Variants in CAMK2D observed in about 807,000 individuals in gnomAD.
CAMK2D encodes the protein calcium/calmodulin-dependent protein kinase type II subunit delta.
Under a neutral mutation model 84.0 loss-of-function variants are expected in CAMK2D, and 37 were observed. The ratio of observed to expected loss-of-function variants is 0.44; its 90% confidence interval spans 0.34 to 0.58. The LOEUF is 0.58. Among genes scored for constraint, CAMK2D ranks in the 20% least tolerant of loss-of-function variants. The pLI is 0.02. For missense variants in CAMK2D, 448 were observed against 652.5 expected (o/e 0.69, Z 3.41); for synonymous variants, 202 against 212.5 (o/e 0.95, Z 0.43).
intron 4 of CAMK2D, among the ~76,000 whole-genome samples, chr4:113,599,684 T>C (rs1288721448): frequency 6.6e-6 from 1 of 152,230 alleles, no homozygotes; most frequent in African/African-American, 2.4e-5. Flanking sequence ...GCCTGAAGGA[T>C]AACAGAGTTG....
intron 2 of CAMK2D, among the ~76,000 whole-genome samples, chr4:113,688,389 C>A (rs1349172434): frequency 6.6e-6 from 1 of 152,190 alleles, no homozygotes; most frequent in Non-Finnish European, 1.5e-5. Context: ...AGCTTTTCAT[C>A]ATTTTTCAGT....
intron 8 of CAMK2D, among the ~76,000 whole-genome samples, chr4:113,520,878 A>ACT (rs2098347592): frequency 6.6e-6 from 1 of 151,874 alleles, no homozygotes; most frequent in African/African-American, 2.4e-5. Context: ...AAATAGAAAA[A>ACT]TTTAGCCAGG....
intron 12 of CAMK2D, among the ~76,000 whole-genome samples, chr4:113,512,760 A>G (rs951514326): frequency 8.6e-5 from 13 of 152,014 alleles, no homozygotes; most frequent in African/African-American, 3.1e-4. Context: ...TTTAGTAGAG[A>G]CGGGGTTTCA....
In CAMK2D at chr4:113,581,312, G is replaced by A. The variant is rs529549976; in HGVS notation, c.275+27840C>T. 9.3e-4 allele frequency among the ~76,000 whole-genome samples: 141 copies of A among 152,002 alleles called. 6 individuals carry two copies. The South Asian group carries it at 0.021, about 23-fold the overall frequency. ...GTGGATCACCTGAGGTCAGGAGTTC[G>A]AGACCAGCCTGACCAACATGGAGAA... On this transcript the variant is annotated intron_variant, in intron 4 of 20. Transcript: ENST00000511664.
intron 16 of CAMK2D, among the ~76,000 whole-genome samples, chr4:113,498,875 C>G (rs1350622786): frequency 1.3e-5 from 2 of 152,182 alleles, no homozygotes; most frequent in East Asian, 3.8e-4. Flanking sequence ...GTGCCAAATT[C>G]AGGTGAGAAA....
intron 16 of CAMK2D, among the ~76,000 whole-genome samples, chr4:113,491,119 T>C (rs1183726904): frequency 2.6e-5 from 2 of 75,928 alleles, no homozygotes; most frequent in African/African-American, 1.2e-4. Context: ...CTTTTCCTAA[T>C]TGAATACCCT....
intron 4 of CAMK2D, among the ~76,000 whole-genome samples, chr4:113,598,761 T>G (rs2098938681): frequency 6.6e-6 from 1 of 152,160 alleles, no homozygotes; most frequent in Admixed American, 6.5e-5. Context: ...CTTGGCTCAC[T>G]GCAACCTCTG....
intron 16 of CAMK2D, among the ~76,000 whole-genome samples, chr4:113,478,244 G>A (rs2097655515): frequency 6.6e-6 from 1 of 152,172 alleles, no homozygotes; most frequent in Non-Finnish European, 1.5e-5. Flanking sequence ...CCGAAGTGAG[G>A]TTAATTTAAC....
intron 2 of CAMK2D, among the ~76,000 whole-genome samples, chr4:113,753,008 ATT>A (rs1387516302): frequency 6.6e-6 from 1 of 152,150 alleles, no homozygotes; most frequent in African/African-American, 2.4e-5. Context: ...ATACAGACAG[ATT>A]AAGATAAGTC....
chr4:113,475,007 T>C (rs999165877), intron 16 of CAMK2D, among the ~76,000 whole-genome samples: 7 of 152,222 alleles, frequency 4.6e-5, no homozygotes, highest in African/African-American at 1.7e-4. Flanking sequence ...GCTAGAAATA[T>C]AAAAAGTGAG....
chr4:113,498,460 ATGG>A (rs952761127), intron 16 of CAMK2D, among the ~76,000 whole-genome samples: 1 of 150,926 alleles, frequency 6.6e-6, no homozygotes, highest in African/African-American at 2.4e-5. Context: ...CTAATGGGCT[ATGG>A]TTATGACATT....
intron 15 of CAMK2D, among the ~76,000 whole-genome samples, chr4:113,502,510 G>T: frequency 8.0e-6 from 1 of 124,842 alleles, no homozygotes. Flanking sequence ...AAACTCAAAA[G>T]TAACACTAAA....
chr4:113,718,510 C>T (rs1346327726), intron 2 of CAMK2D, among the ~76,000 whole-genome samples: 1 of 152,184 alleles, frequency 6.6e-6, no homozygotes, highest in Non-Finnish European at 1.5e-5. Flanking sequence ...GTGATGTTAT[C>T]ACCAGGAGCA....
chr4:113,649,296 G>A (rs1044423937), intron 3 of CAMK2D, among the ~76,000 whole-genome samples: 2 of 152,004 alleles, frequency 1.3e-5, no homozygotes, highest in African/African-American at 2.4e-5. Flanking sequence ...ATCATGAGTC[G>A]ACTAAATAAA....
chr4:113,696,827 C>G (rs2099404274), intron 2 of CAMK2D, among the ~76,000 whole-genome samples: 1 of 152,058 alleles, frequency 6.6e-6, no homozygotes. Flanking sequence ...CTTCACAAAG[C>G]TAGGAAGTAG....
chr4:113,679,571 A>G (rs2099332875), intron 2 of CAMK2D: 1 of 363,528 alleles, frequency 2.8e-6, no homozygotes, highest in Admixed American at 6.4e-5. Context: ...AACCATGGGT[A>G]GAGAAAAAGC....
intron 4 of CAMK2D, among the ~76,000 whole-genome samples, chr4:113,555,309 G>A (rs959319042): frequency 3.3e-5 from 5 of 152,178 alleles, no homozygotes; most frequent in African/African-American, 1.2e-4. Flanking sequence ...GTGGGGGAAA[G>A]CCAGGAACTT....
chr4:113,531,280 T>C lies in CAMK2D; in HGVS notation c.537A>G (p.Gly179=). 2 of 1,598,880 alleles carry C rather than the reference T, an allele frequency of 1.3e-6. No homozygotes were observed. The highest frequency in any genetic ancestry group is 1.7e-6 in the Non-Finnish European group (2 of 1,166,290). Residue 179 remains glycine (G), a synonymous_variant, in exon 8 of 21, where the codon GGA becomes GGG. Transcript: ENST00000511664. ...QAWFGFAGTP[G]YLSPEVLRKD... Reference sequence around the variant, plus strand: ...TACGTAAAACTTCTGGAGAAAGATATCCAGGTGTGCCAGCAAAACCTAGGG... The same window carrying C: ...TACGTAAAACTTCTGGAGAAAGATACCCAGGTGTGCCAGCAAAACCTAGGG...
intron 16 of CAMK2D, among the ~76,000 whole-genome samples, chr4:113,477,882 T>C (rs2097650467): frequency 6.6e-6 from 1 of 152,182 alleles, no homozygotes; most frequent in African/African-American, 2.4e-5. Flanking sequence ...TTATGTATTC[T>C]CATTTATTCC....
Sources: gnomAD v4.1 joint callset for allele counts (sites outside exome capture counted in the v4.1 genomes callset) on GRCh38, gnomAD v4.1.1 for gene constraint, MANE v1.5 for transcripts, NCBI Gene and HGNC (gene_info 2026-07-23, HGNC 2026-07-21) for gene names.